PTPRM: variants seen among roughly 807,000 people sequenced by gnomAD.
The protein encoded by PTPRM is protein tyrosine phosphatase receptor type M.
Under a neutral mutation model 186.7 loss-of-function variants are expected in PTPRM, and 47 were observed. The ratio of observed to expected loss-of-function variants is 0.25; its 90% CI spans 0.20 to 0.32. The LOEUF (loss-of-function observed/expected upper bound fraction) is 0.32, where lower values mean the gene tolerates loss of function less well. PTPRM is among the 10% of genes least tolerant of loss of function. PTPRM has a pLI of 1.00. For missense variants in PTPRM, 1,494 were observed against 1,865.0 expected (o/e 0.80, Z 3.66); for synonymous variants, 668 against 674.9 (o/e 0.99, Z 0.16).
At chr18:7,759,844 TAGTA>T in intron 1 of PTPRM, among the ~76,000 whole-genome samples, 1 of 152,338 alleles carries the variant, frequency 6.6e-6, no homozygotes, top group East Asian at 1.9e-4. Context: ...TTGTAGACGT[TAGTA>T]AGCAGAGGCT....
At chr18:8,271,030 A>C (rs1354167689) in intron 19 of PTPRM, among the ~76,000 whole-genome samples, 2 of 152,130 alleles carry the variant, frequency 1.3e-5, no homozygotes, top group Admixed American at 6.6e-5. Flanking sequence ...AAAGTAACTA[A>C]ATTAGGTTAT....
intron 14 of PTPRM, among the ~76,000 whole-genome samples, chr18:8,238,849 CATT>C (rs1568578705): frequency 6.6e-6 from 1 of 151,320 alleles, no homozygotes; most frequent in South Asian, 2.1e-4. Context: ...AAATACTTCT[CATT>C]ATTCCTCTCC....
chr18:7,567,920 A>AGGCGCGCGGGCC lies in PTPRM; in HGVS notation c.73+36_73+47dup. ...AGCGGGACCGCCTCTGCCGCCCCCG[A>AGGCGCGCGGGCC]GGCGCGCGGGCCGGCGCGGGACGCC... is the stretch of plus-strand genomic sequence containing the variant. On this transcript the variant is annotated intron_variant, in intron 1 of 32. Coordinates refer to ENST00000580170, the MANE Select transcript of PTPRM (RefSeq NM_001105244.2). This position sits in a 1 kb window ranked among gnomAD's most constrained non-coding sequence, Gnocchi z 4.3. 1 of 1,534,032 alleles carries AGGCGCGCGGGCC rather than the reference A, an allele frequency of 6.5e-7. No individual in the cohort carries two copies. The highest frequency in any genetic ancestry group is 8.7e-7 in the Non-Finnish European group (1 of 1,150,010).
chr18:8,301,081 G>A (rs539483131), intron 20 of PTPRM, among the ~76,000 whole-genome samples: 1 of 152,334 alleles, frequency 6.6e-6, no homozygotes, highest in South Asian at 2.1e-4. Context: ...CCTCGGACTT[G>A]GGATAACACC....
intron 1 of PTPRM, among the ~76,000 whole-genome samples, chr18:7,745,146 G>A (rs2040958686): frequency 6.6e-6 from 1 of 152,128 alleles, no homozygotes; most frequent in South Asian, 2.1e-4. Flanking sequence ...ACTTCTTAGA[G>A]TTGTTGCAAG....
At chr18:7,635,718 A>G (rs1196481801) in intron 1 of PTPRM, among the ~76,000 whole-genome samples, 3 of 152,246 alleles carry the variant, frequency 2.0e-5, no homozygotes, top group Non-Finnish European at 4.4e-5. Flanking sequence ...CTGAGCATAG[A>G]CAAGTTAATG....
intron 2 of PTPRM, among the ~76,000 whole-genome samples, chr18:7,841,937 A>ATT (rs11389625): frequency 1.2e-4 from 18 of 151,050 alleles, no homozygotes; most frequent in Admixed American, 5.9e-4. Flanking sequence ...TTATGTTATT[A>ATT]TTTTTTTTTC....
chr18:7,685,305 AT>A (rs754692413), intron 1 of PTPRM, among the ~76,000 whole-genome samples: 3 of 152,166 alleles, frequency 2.0e-5, no homozygotes, highest in Non-Finnish European at 4.4e-5. Context: ...GTGATGGCTA[AT>A]TTTATTTCAT....
At position 8,383,296 on chromosome 18, in the gene PTPRM, C is replaced by CAAAAAAAA. The variant is rs59442781; in HGVS notation, c.3919-1238_3919-1231dup. ...CTGGCGACAGAACGAGCTTCTGCCT[C>CAAAAAAAA]AAAAAAAAAAAAAAAAAAAAAAAAA... On this transcript the variant is annotated intron_variant, in intron 29 of 32. Transcript: ENST00000580170. Among the ~76,000 whole-genome samples the CAAAAAAAA allele has an allele frequency of 7.9e-4, 24 of 30,434 alleles. 1 individual carries two copies. The highest frequency in any genetic ancestry group is 1.2e-3 in the African/African-American group (9 of 7,454). 20.0% of individuals were successfully genotyped at this position (30,434 alleles called of 152,430 possible).
At chr18:8,250,235 G>T (rs1368426114) in intron 17 of PTPRM, among the ~76,000 whole-genome samples, 1 of 152,064 alleles carries the variant, frequency 6.6e-6, no homozygotes, top group Non-Finnish European at 1.5e-5. Flanking sequence ...TGATTAAATG[G>T]ATGGTTGGAT....
chr18:7,575,803 G>T (rs2143412246), intron 1 of PTPRM, among the ~76,000 whole-genome samples: 1 of 152,260 alleles, frequency 6.6e-6, no homozygotes. Context: ...GAGGGTTTAG[G>T]TATGTAATTC....
intron 1 of PTPRM, among the ~76,000 whole-genome samples, chr18:7,620,998 C>T (rs757446982): frequency 9.9e-5 from 15 of 152,028 alleles, no homozygotes; most frequent in Non-Finnish European, 2.1e-4. Context: ...AGTCGGCAAC[C>T]TAGTGAGACC....
In PTPRM at chr18:7,736,658, G is replaced by A. The variant is rs533542931; in HGVS notation, c.74-37491G>A. 1.3e-4 allele frequency among the ~76,000 whole-genome samples: 20 copies of A among 152,342 alleles called. No homozygotes were observed. In the East Asian group the frequency reaches 3.5e-3, roughly 26 times the overall value. ...ATTGATTTGAGCAAGCAAGGGGTAC[G>A]TGACAGGGGCTGCATGCTCTGGTGG... On this transcript the variant is annotated intron_variant, in intron 1 of 32. Coordinates refer to ENST00000580170, the MANE Select transcript of PTPRM (RefSeq NM_001105244.2).
At chr18:8,250,203 C>T (rs565638605) in intron 17 of PTPRM, among the ~76,000 whole-genome samples, 2 of 152,160 alleles carry the variant, frequency 1.3e-5, no homozygotes, top group East Asian at 3.9e-4. Context: ...ATCTTTACTT[C>T]ATTTGCTTGC....
chr18:7,600,847 C>T (rs192901139), intron 1 of PTPRM, among the ~76,000 whole-genome samples: 33 of 152,366 alleles, frequency 2.2e-4, no homozygotes, highest in Admixed American at 1.4e-3. Flanking sequence ...CTCTGCTGCA[C>T]TTGTGTCTAC....
chr18:8,093,153 A>G (rs2090839820), intron 11 of PTPRM, among the ~76,000 whole-genome samples: 1 of 151,702 alleles, frequency 6.6e-6, no homozygotes, highest in Non-Finnish European at 1.5e-5. Context: ...GCAGCAACCC[A>G]TTTGTTTATC....
At chr18:8,169,805 G>C (rs991052078) in intron 14 of PTPRM, among the ~76,000 whole-genome samples, 1 of 151,918 alleles carries the variant, frequency 6.6e-6, no homozygotes, top group Non-Finnish European at 1.5e-5. Context: ...TTTTCTTAAT[G>C]TTGGGTCCAT....
intron 23 of PTPRM, among the ~76,000 whole-genome samples, chr18:8,354,088 C>A (rs2148342891): frequency 6.6e-6 from 1 of 152,118 alleles, no homozygotes; most frequent in Non-Finnish European, 1.5e-5. Context: ...TGGCGGGTGC[C>A]TGTAATCCCA....
At chr18:8,382,411 C>A (rs2095742801) in intron 29 of PTPRM, among the ~76,000 whole-genome samples, 1 of 152,066 alleles carries the variant, frequency 6.6e-6, no homozygotes, top group Non-Finnish European at 1.5e-5. Context: ...TTCAGATGTA[C>A]ATGTTACAGC....
Sources: gnomAD v4.1 joint callset for allele counts (sites outside exome capture counted in the v4.1 genomes callset) on GRCh38, gnomAD v4.1.1 for gene constraint, Gnocchi (gnomAD v3.1) non-coding constraint, MANE v1.5 for transcripts, NCBI Gene and HGNC (gene_info 2026-07-23, HGNC 2026-07-21) for gene names.